The following NCOA2 variants were observed in gnomAD, a reference collection of about 807,000 sequenced individuals.
NCOA2 encodes the protein class E basic helix-loop-helix protein 75.
Under a neutral mutation model 145.1 loss-of-function variants are expected in NCOA2, and 21 were observed. That is an observed-to-expected ratio of 0.14 (90% CI 0.10 to 0.21). The LOEUF (loss-of-function observed/expected upper bound fraction) is 0.21, where lower values mean the gene tolerates loss of function less well. NCOA2 is among the 10% of genes least tolerant of loss of function. The pLI, the probability that NCOA2 is intolerant of heterozygous loss-of-function variation, is 1.00. For missense variants in NCOA2, 1,472 were observed against 1,837.6 expected (o/e 0.80, Z 3.64); for synonymous variants, 619 against 637.5 (o/e 0.97, Z 0.44).
chr8:70,303,392 C>G (rs1424579231), intron 1 of NCOA2, among the ~76,000 whole-genome samples: 3 of 152,018 alleles, frequency 2.0e-5, no homozygotes, highest in Non-Finnish European at 2.9e-5. Context: ...GAGATAATTC[C>G]AAGAAGGAGA....
At chr8:70,269,211 A>G (rs1477187499) in intron 2 of NCOA2, among the ~76,000 whole-genome samples, 4 of 152,186 alleles carry the variant, frequency 2.6e-5, no homozygotes, top group Admixed American at 2.6e-4. Flanking sequence ...CTTTGACAAT[A>G]TAATTTTTAA....
At chr8:70,382,183 A>G (rs1208240143) in intron 1 of NCOA2, among the ~76,000 whole-genome samples, 2 of 152,082 alleles carry the variant, frequency 1.3e-5, no homozygotes, top group Non-Finnish European at 2.9e-5. Context: ...CTGGGAAATA[A>G]GCACCAGTTA....
intron 5 of NCOA2, among the ~76,000 whole-genome samples, chr8:70,173,716 T>A (rs556651945): frequency 1.3e-5 from 2 of 152,320 alleles, no homozygotes; most frequent in South Asian, 4.1e-4. Flanking sequence ...AAGTTTGTCA[T>A]TTCTAAATAC....
intron 1 of NCOA2, among the ~76,000 whole-genome samples, chr8:70,299,777 A>G (rs555971675): frequency 6.6e-6 from 1 of 152,358 alleles, no homozygotes; most frequent in East Asian, 1.9e-4. Context: ...ATGCAATTTT[A>G]TCCCTGATGT....
Position 70,156,878 on chromosome 8 carries a change from A to T in NCOA2, c.1487T>A (p.Val496Glu). 6.2e-7 allele frequency: 1 copy of T among 1,613,906 alleles called. No homozygotes were observed. ...LSPRHRMSPG[V>E]AGSPRIPPSQ... is the part of the protein sequence containing the mutation. The stretch of plus-strand genomic sequence containing the variant: ...GGGTGGGATTCGAGGGCTGCCAGCC[A>T]CTCCAGGGCTCATGCGATGCCTTGG... The change falls in exon 11 of 23, where the codon GTG becomes GAG. Residue 496 changes from valine (V) to glutamate (E), a missense_variant. Val to Glu is a moderately radical substitution (Grantham distance 121). Coordinates refer to ENST00000452400, the MANE Select transcript of NCOA2 (RefSeq NM_006540.4).
At chr8:70,410,042 T>C in the NCOA2 span, among the ~76,000 whole-genome samples, 1 of 152,010 alleles carries the variant, frequency 6.6e-6, no homozygotes, top group African/African-American at 2.4e-5. Context: ...AAATCCCGTC[T>C]CTACTAAAAA....
the NCOA2 span, among the ~76,000 whole-genome samples, chr8:70,411,753 T>C: frequency 6.6e-6 from 1 of 152,238 alleles, no homozygotes; most frequent in African/African-American, 2.4e-5. Context: ...TATATGATGC[T>C]ATTTACATAA....
intron 1 of NCOA2, among the ~76,000 whole-genome samples, chr8:70,361,241 C>T (rs1188413595): frequency 6.6e-6 from 1 of 151,900 alleles, no homozygotes; most frequent in South Asian, 2.1e-4. Flanking sequence ...GAGGGCCCAG[C>T]GCAGTGACTC....
intron 2 of NCOA2, among the ~76,000 whole-genome samples, chr8:70,265,818 G>GTTGTTC (rs747469423): frequency 6.1e-5 from 9 of 147,842 alleles, no homozygotes; most frequent in African/African-American, 1.9e-4. Flanking sequence ...GTTTTTTGTT[G>GTTGTTC]TTGTTGTTGT....
intron 4 of NCOA2, among the ~76,000 whole-genome samples, chr8:70,203,265 A>AAAAAAAAG (rs1818096888): frequency 1.3e-5 from 2 of 151,410 alleles, no homozygotes; most frequent in African/African-American, 4.9e-5. Flanking sequence ...CTGTCTCAAA[A>AAAAAAAAG]AAAAAAAGAA....
At chr8:70,314,759 G>A (rs1039611694) in intron 1 of NCOA2, among the ~76,000 whole-genome samples, 1 of 152,174 alleles carries the variant, frequency 6.6e-6, no homozygotes, top group East Asian at 1.9e-4. Flanking sequence ...TTGTATGTGT[G>A]AACAAGACTG....
At chr8:70,341,573 A>G (rs936383148) in intron 1 of NCOA2, among the ~76,000 whole-genome samples, 4 of 152,210 alleles carry the variant, frequency 2.6e-5, no homozygotes, top group Admixed American at 6.5e-5. Flanking sequence ...CTGTCTTGCA[A>G]TGATGCATGC....
At chr8:70,408,722 C>A (rs1323879214), upstream of NCOA2, among the ~76,000 whole-genome samples, 1 of 151,174 alleles carries the variant, frequency 6.6e-6, no homozygotes, top group Non-Finnish European at 1.5e-5. Flanking sequence ...CAGCTCACTG[C>A]AGCCCTGACC....
chr8:70,213,946 G>T lies in NCOA2; in HGVS notation c.216C>A (p.Ile72=), dbSNP rs1819324198. The change falls in exon 4 of 23, where the codon ATC becomes ATA. Residue 72 remains isoleucine, a synonymous_variant. Transcript: ENST00000452400. ...NFNFKPDKCA[I]LKETVKQIRQ... Reference sequence around the variant, plus strand: ...GAATTTGCTTCACAGTTTCTTTTAAGATTGCACATTTGTCAGGTTTGAAGT... The same window carrying T: ...GAATTTGCTTCACAGTTTCTTTTAATATTGCACATTTGTCAGGTTTGAAGT... 1.2e-6 allele frequency: 2 copies of T among 1,609,922 alleles called. No individual in the cohort carries two copies. The highest frequency in any genetic ancestry group is 8.5e-7 in the Non-Finnish European group (1 of 1,178,034).
At chr8:70,284,941 G>T (rs1298908449) in intron 2 of NCOA2, among the ~76,000 whole-genome samples, 1 of 152,132 alleles carries the variant, frequency 6.6e-6, no homozygotes, top group Non-Finnish European at 1.5e-5. Context: ...CAGGGAAGTA[G>T]AATCTATACG....
intron 4 of NCOA2, among the ~76,000 whole-genome samples, chr8:70,198,910 T>C (rs192148205): frequency 1.3e-5 from 2 of 152,186 alleles, no homozygotes; most frequent in Admixed American, 6.5e-5. Flanking sequence ...GGATGTCTAA[T>C]GGTAGCTGGC....
intron 4 of NCOA2, among the ~76,000 whole-genome samples, chr8:70,182,204 C>T (rs1369840625): frequency 6.6e-6 from 1 of 152,214 alleles, no homozygotes; most frequent in Non-Finnish European, 1.5e-5. Context: ...CGCGCAGCTG[C>T]ACTTTCTTTA....
intron 2 of NCOA2, among the ~76,000 whole-genome samples, chr8:70,238,035 A>G (rs991820038): frequency 1.3e-5 from 2 of 152,202 alleles, no homozygotes; most frequent in African/African-American, 4.8e-5. Context: ...AGACCACAAA[A>G]CAAAGGCAAA....
chr8:70,173,645 G>A (rs1162078607), intron 5 of NCOA2, among the ~76,000 whole-genome samples: 1 of 152,156 alleles, frequency 6.6e-6, no homozygotes, highest in Non-Finnish European at 1.5e-5. Flanking sequence ...GAGGAGATAA[G>A]CAAGGGCCAA....
Sources: allele counts gnomAD v4.1 joint callset (sites outside exome capture counted in the v4.1 genomes callset), GRCh38; gene constraint gnomAD v4.1.1; transcripts MANE v1.5; gene names NCBI Gene and HGNC (gene_info 2026-07-23, HGNC 2026-07-21).